NGEF: variants seen among roughly 807,000 people sequenced by gnomAD.
The protein encoded by NGEF is ephexin-1.
In NGEF, 31 loss-of-function variants were observed where a neutral mutation model predicts 80.9. The observed-to-expected ratio is 0.38, with a 90% confidence interval of 0.29 to 0.52. NGEF has a LOEUF of 0.52. Ranked by LOEUF, NGEF falls within the 20% of genes least tolerant of loss-of-function variation. NGEF has a pLI of 0.84. For missense variants in NGEF, 709 were observed against 926.2 expected, an observed-to-expected ratio of 0.77 and a Z score of 3.04; for synonymous variants, 371 against 370.2, an observed-to-expected ratio of 1.00 and a Z score of -0.03.
At chr2:232,927,974 C>T in intron 3 of NGEF, 1 of 1,294,924 alleles carries the variant, frequency 7.7e-7, no homozygotes, top group Non-Finnish European at 9.8e-7. Context: ...GCAGGCGGCG[C>T]TGAAGGCAGC....
intron 3 of NGEF, among the ~76,000 whole-genome samples, chr2:232,967,190 C>A (rs1694080013): frequency 1.3e-5 from 2 of 152,138 alleles, no homozygotes; most frequent in Admixed American, 1.3e-4. Context: ...CACTCCCTTG[C>A]TCCTGCTCCT....
chr2:232,883,165 A>G (rs1691570289), intron 12 of NGEF, 146 bp downstream of exon 12: 12 of 978,928 alleles, frequency 1.2e-5, no homozygotes, highest in African/African-American at 1.7e-5. Flanking sequence ...GTATTGGCGC[A>G]GGGTCTGGAC....
rs1040173885 is a variant in NGEF at position 233,012,696 on chromosome 2, T to C, written c.-75+372A>G. The C allele has an allele frequency of 1.6e-5, 6 of 378,354 alleles. No homozygotes were observed. In the East Asian group the frequency reaches 2.2e-4, roughly 14 times the overall value. The allele number at this position is 378,354 out of a possible 1,614,324, so 23.4% of individuals were successfully genotyped here. ...CCCGGCTTGCTTTAATGCTGTGTTG[T>C]TGTCCTTTTGAAAGCCTTACTATTT... On this transcript the variant is annotated intron_variant, in intron 1 of 14. Coordinates refer to ENST00000264051, the MANE Select transcript of NGEF (RefSeq NM_019850.3).
intron 9 of NGEF, among the ~76,000 whole-genome samples, chr2:232,887,666 A>T (rs2250654): frequency 0.62 from 94,815 of 152,044 alleles, 29,865 homozygotes; most frequent in African/African-American, 0.67. Context: ...GATGCCTGCA[A>T]AGAACAATCC....
rs1695252221 is a variant in NGEF, at chr2:233,013,210, A to G, written c.-217T>C. ...CTCCACTCTGTCCCAGAGAGCCCAC[A>G]GCCAAAAACTTCGTCCTGTCCTGGA... On this transcript the variant is annotated 5_prime_UTR_variant, in exon 1 of 15. Transcript: ENST00000264051. 2 of 471,068 alleles carry G rather than the reference A, an allele frequency of 4.2e-6. No individual in the cohort carries two copies. The highest frequency in any genetic ancestry group is 1.5e-5 in the South Asian group (1 of 64,568). 29.2% of individuals were successfully genotyped at this position (471,068 alleles called of 1,614,324 possible). A position where few individuals can be genotyped will look rare whatever the true frequency, so the allele number is the denominator to read the frequency against.
intron 5 of NGEF, among the ~76,000 whole-genome samples, chr2:232,901,174 C>T (rs535480262): frequency 6.6e-6 from 1 of 152,214 alleles, no homozygotes; most frequent in Admixed American, 6.5e-5. Context: ...GGCCCCAATT[C>T]CCTGTTACTT....
chr2:232,912,110 T>C (rs1406553753), intron 5 of NGEF, among the ~76,000 whole-genome samples: 1 of 152,238 alleles, frequency 6.6e-6, no homozygotes, highest in Non-Finnish European at 1.5e-5. Context: ...CATTCAGTCC[T>C]TCACCATTAA....
At chr2:232,932,295 G>A (rs944124278) in intron 3 of NGEF, among the ~76,000 whole-genome samples, 2 of 150,998 alleles carry the variant, frequency 1.3e-5, no homozygotes, top group Admixed American at 1.3e-4. Flanking sequence ...CTCCCAAGTA[G>A]CTGGGATTAA....
At chr2:232,911,360 G>A (rs1692688004) in intron 5 of NGEF, among the ~76,000 whole-genome samples, 1 of 152,078 alleles carries the variant, frequency 6.6e-6, no homozygotes, top group South Asian at 2.1e-4. Context: ...CTGTTCCACT[G>A]ATCTATGTGT....
intron 1 of NGEF, among the ~76,000 whole-genome samples, chr2:232,989,452 A>AAAACAAAC (rs138072212): frequency 1.2e-4 from 19 of 152,214 alleles, no homozygotes; most frequent in African/African-American, 4.6e-4. Context: ...GCCTCAAAAC[A>AAAACAAAC]AAACAAACAA....
At chr2:232,999,388 G>T (rs1374895678) in intron 1 of NGEF, among the ~76,000 whole-genome samples, 2 of 152,170 alleles carry the variant, frequency 1.3e-5, no homozygotes, top group Non-Finnish European at 2.9e-5. Context: ...CCCAGTAAAT[G>T]ACATCTATGC....
rs1559196190 is a variant in NGEF at position 232,894,864 on chromosome 2, A to G, written c.881T>C (p.Leu294Pro). Residue 294 changes from leucine (L) to proline (P), a missense_variant, in exon 6 of 15, where the codon CTG becomes CCG. By Grantham distance (98) the Leu-to-Pro change is moderately conservative. Around this residue, in one of 2 missense-constraint regions of NGEF, gnomAD observed 426 missense variants for 622.9 expected, o/e 0.68. Coordinates refer to ENST00000264051, the MANE Select transcript of NGEF (RefSeq NM_019850.3). ...SEASYYKSLN[L>P]LVSHFMENER... is the part of the protein sequence containing the mutation. The stretch of plus-strand genomic sequence containing the variant: ...GTTCTCCATGAAGTGGGACACGAGC[A>G]GGTTCAGACTCTTGTAGTAGGACGC... 1 of 1,610,300 alleles carries G rather than the reference A, an allele frequency of 6.2e-7. No homozygotes were observed.
intron 6 of NGEF, 35 bp from the exon 7 acceptor site, chr2:232,893,085 C>T (rs201720419): frequency 1.5e-4 from 234 of 1,596,372 alleles, no homozygotes; most frequent in Non-Finnish European, 1.8e-4. Context: ...GGAGGGTGCC[C>T]GGGGGGTAGG....
At chr2:232,968,789 A>G (rs1349059631) in intron 3 of NGEF, among the ~76,000 whole-genome samples, 2 of 152,226 alleles carry the variant, frequency 1.3e-5, no homozygotes, top group Non-Finnish European at 1.5e-5. Context: ...GGCTAATAAG[A>G]TATCAGCAGC....
chr2:232,958,401 G>C (rs1468284960), intron 3 of NGEF, among the ~76,000 whole-genome samples: 1 of 152,164 alleles, frequency 6.6e-6, no homozygotes, highest in Non-Finnish European at 1.5e-5. Context: ...GTCTGCACAG[G>C]TGTATCTTCA....
At chr2:233,012,684 A>T (rs1313013710) in intron 1 of NGEF, 1 of 367,444 alleles carries the variant, frequency 2.7e-6, no homozygotes, top group Non-Finnish European at 5.3e-6. Flanking sequence ...GGCTTGCTTT[A>T]ATGCTGTGTT....
chr2:233,002,208 C>A (rs1340229428), intron 1 of NGEF, among the ~76,000 whole-genome samples: 1 of 151,740 alleles, frequency 6.6e-6, no homozygotes, highest in Non-Finnish European at 1.5e-5. Flanking sequence ...GTCAAACGTT[C>A]AAAAAATCAG....
chr2:232,905,602 A>G lies in NGEF; in HGVS notation c.829-10686T>C, dbSNP rs1460304362. 1.1e-5 allele frequency: 3 copies of G among 270,560 alleles called. 1 individual carries two copies. Among genetic ancestry groups the G allele is most frequent in the South Asian group, 5.2e-5 (2 of 38,596 alleles). 16.8% of individuals were successfully genotyped at this position (270,560 alleles called of 1,614,324 possible). ...GAGGAGCCCCTCTGCCTGGCTGCCC[A>G]GTCTGGAAAGTGAGGAGCGTCTCTG... On this transcript the variant is annotated intron_variant, in intron 5 of 14. Coordinates refer to ENST00000264051, the MANE Select transcript of NGEF (RefSeq NM_019850.3).
intron 4 of NGEF, among the ~76,000 whole-genome samples, chr2:232,921,993 CGTTGGGGTGGG>C (rs750139307): frequency 2.0e-4 from 30 of 152,036 alleles, no homozygotes; most frequent in Admixed American, 5.2e-4. Flanking sequence ...CTGAGGGTGG[CGTTGGGGTGGG>C]GTGGATCGAG....
Sources: allele counts gnomAD v4.1 joint callset (sites outside exome capture counted in the v4.1 genomes callset), GRCh38; gene constraint gnomAD v4.1.1; regional missense constraint gnomAD v4.1.1; transcripts MANE v1.5; gene names NCBI Gene and HGNC (gene_info 2026-07-23, HGNC 2026-07-21).